The following RAPGEF5 variants were observed in gnomAD, a reference collection of about 807,000 sequenced individuals.
RAPGEF5 encodes the protein M-Ras-regulated GEF.
Under a neutral mutation model 125.2 loss-of-function variants are expected in RAPGEF5, and 65 were observed. The ratio of observed to expected loss-of-function variants is 0.52; its 90% CI spans 0.43 to 0.64. RAPGEF5 has a LOEUF of 0.64. RAPGEF5 is among the 30% of genes least tolerant of loss of function. The pLI is 0.00. For synonymous variants in RAPGEF5, 391 were observed against 385.9 expected, an observed-to-expected ratio of 1.01 and a Z score of -0.16; for missense variants, 958 against 1,048.1, an observed-to-expected ratio of 0.91 and a Z score of 1.19.
chr7:22,277,132 T>C (rs1252087090), intron 6 of RAPGEF5, among the ~76,000 whole-genome samples: 1 of 152,236 alleles, frequency 6.6e-6, no homozygotes, highest in African/African-American at 2.4e-5. Flanking sequence ...CAGACTTTAC[T>C]TTCAGACTTT....
intron 11 of RAPGEF5, among the ~76,000 whole-genome samples, chr7:22,167,538 C>G (rs1241895551): frequency 6.6e-6 from 1 of 152,110 alleles, no homozygotes; most frequent in Non-Finnish European, 1.5e-5. Flanking sequence ...GGGAATAAAG[C>G]CTTCATGTGT....
rs186147248 is a variant in RAPGEF5, at chr7:22,239,153, G to A, written c.797-8234C>T. 4.6e-3 allele frequency among the ~76,000 whole-genome samples: 698 copies of A among 152,254 alleles called. 8 individuals carry two copies. The highest frequency in any genetic ancestry group is 8.2e-3 in the Non-Finnish European group (555 of 68,006). Reference sequence around the variant, plus strand: ...TTTCAGTTCCCAGGGCCCTGCTATGGAGATGTGCCCAGGTGGGCCTGTGCT... The same window carrying A: ...TTTCAGTTCCCAGGGCCCTGCTATGAAGATGTGCCCAGGTGGGCCTGTGCT... On this transcript the variant is annotated intron_variant, in intron 7 of 25. Coordinates refer to ENST00000665637, the MANE Select transcript of RAPGEF5 (RefSeq NM_012294.5).
intron 9 of RAPGEF5, 79 bp downstream of exon 9, chr7:22,219,787 T>G: frequency 6.8e-7 from 1 of 1,468,618 alleles, no homozygotes; most frequent in South Asian, 1.5e-5. Flanking sequence ...AATAAAATAG[T>G]CTTTCGTTCA....
At chr7:22,219,330 A>G (rs1037627123) in intron 9 of RAPGEF5, among the ~76,000 whole-genome samples, 6 of 151,878 alleles carry the variant, frequency 4.0e-5, no homozygotes, top group Non-Finnish European at 7.4e-5. Context: ...TTCAAACAAT[A>G]TAACTCTTGT....
rs754221692 is a variant in RAPGEF5 at position 22,122,500 on chromosome 7, T to G, written c.2558A>C (p.His853Pro). 1.9e-6 allele frequency: 3 copies of G among 1,613,598 alleles called. No individual in the cohort carries two copies. The highest frequency in any genetic ancestry group is 1.7e-5 in the Admixed American group (1 of 60,002). The change falls in exon 26 of 26, where the codon CAT becomes CCT. Residue 853 changes from histidine (H) to proline (P), a missense_variant. Physicochemically the swap from His to Pro is moderately conservative, Grantham distance 77. Coordinates refer to ENST00000665637, the MANE Select transcript of RAPGEF5 (RefSeq NM_012294.5). ...NQFGDLSPKE[H>P]QELKSYVNHL... ...ATTAACATAGGACTTTAACTCTTGA[T>G]GCTCTTTTGGAGACAGGTCACCTGT...
chr7:22,236,750 C>G (rs79525629), intron 7 of RAPGEF5, among the ~76,000 whole-genome samples: 1 of 152,182 alleles, frequency 6.6e-6, no homozygotes, highest in East Asian at 1.9e-4. Flanking sequence ...GAAGTCTGAT[C>G]AAGCCATCCC....
chr7:22,191,772 C>G (rs1039808105), intron 11 of RAPGEF5: 1 of 417,556 alleles, frequency 2.4e-6, no homozygotes, highest in African/African-American at 2.1e-5. Flanking sequence ...TAGTGGGAAC[C>G]TGTGAGCACC....
chr7:22,349,422 C>CAAAA (rs34428356), intron 1 of RAPGEF5, among the ~76,000 whole-genome samples: 4 of 74,976 alleles, frequency 5.3e-5, no homozygotes, highest in Admixed American at 2.9e-4. Context: ...AGACTCCATC[C>CAAAA]AAAAAAAAAA....
intron 11 of RAPGEF5, among the ~76,000 whole-genome samples, chr7:22,170,323 G>C (rs1402008493): frequency 1.3e-5 from 2 of 152,210 alleles, no homozygotes; most frequent in Non-Finnish European, 2.9e-5. Flanking sequence ...CCAAAGTGCT[G>C]GGATTACGGG....
At chr7:22,160,732 G>C in intron 13 of RAPGEF5, 117 bp from the exon 14 acceptor site, 1 of 1,209,346 alleles carries the variant, frequency 8.3e-7, no homozygotes, top group East Asian at 3.2e-5. Context: ...ACAATGTACG[G>C]GTTTCACCAG....
intron 1 of RAPGEF5, among the ~76,000 whole-genome samples, chr7:22,324,452 T>G (rs1035779607): frequency 1.4e-4 from 21 of 152,220 alleles, no homozygotes; most frequent in African/African-American, 4.6e-4. Context: ...ATATTTTAGT[T>G]AATCGTGTGG....
chr7:22,196,741 C>T (rs1468655434), intron 9 of RAPGEF5, among the ~76,000 whole-genome samples: 4 of 152,180 alleles, frequency 2.6e-5, no homozygotes, highest in East Asian at 1.9e-4. Context: ...TATGAAGGAG[C>T]GGCTTTGGTG....
chr7:22,356,753 C>T (rs1784428047), intron 1 of RAPGEF5, 77 bp downstream of exon 1: 2 of 831,744 alleles, frequency 2.4e-6, no homozygotes, highest in African/African-American at 3.7e-5. Flanking sequence ...AGACGCCCCC[C>T]TCAGCGGCCC....
At chr7:22,331,681 C>A (rs1311931494) in intron 1 of RAPGEF5, among the ~76,000 whole-genome samples, 1 of 144,514 alleles carries the variant, frequency 6.9e-6, no homozygotes, top group Non-Finnish European at 1.5e-5. Context: ...GGAGGCGGAG[C>A]TTGCAGTGAG....
chr7:22,183,949 T>G (rs1784753012), intron 11 of RAPGEF5, among the ~76,000 whole-genome samples: 4 of 152,232 alleles, frequency 2.6e-5, no homozygotes, highest in Admixed American at 2.6e-4. Flanking sequence ...CCTCATGTAC[T>G]CCTTTTTCCA....
intron 11 of RAPGEF5, among the ~76,000 whole-genome samples, chr7:22,173,696 T>C (rs1404270194): frequency 6.6e-6 from 1 of 152,230 alleles, no homozygotes; most frequent in Admixed American, 6.5e-5. Flanking sequence ...TATGCTTAAT[T>C]CTATACACTG....
chr7:22,327,177 T>C (rs1402043432), intron 1 of RAPGEF5, among the ~76,000 whole-genome samples: 1 of 152,232 alleles, frequency 6.6e-6, no homozygotes, highest in African/African-American at 2.4e-5. Flanking sequence ...GTGTAAAGTG[T>C]TGTTTCAAAT....
intron 3 of RAPGEF5, among the ~76,000 whole-genome samples, chr7:22,312,890 G>A (rs1425109015): frequency 6.6e-6 from 1 of 152,186 alleles, no homozygotes; most frequent in African/African-American, 2.4e-5. Context: ...CCCCATGTCT[G>A]CTACAATATG....
intron 11 of RAPGEF5, among the ~76,000 whole-genome samples, chr7:22,188,134 T>A (rs1361197825): frequency 6.6e-6 from 1 of 152,172 alleles, no homozygotes; most frequent in East Asian, 1.9e-4. Context: ...CATCTAAATA[T>A]TTACCTACCC....
Sources: allele counts gnomAD v4.1 joint callset (sites outside exome capture counted in the v4.1 genomes callset), GRCh38; gene constraint gnomAD v4.1.1; transcripts MANE v1.5; gene names NCBI Gene and HGNC (gene_info 2026-07-23, HGNC 2026-07-21).